The following GDI2 variants were observed in gnomAD, a reference collection of about 807,000 sequenced individuals.
GDI2 encodes the protein GDP dissociation inhibitor 2.
GDI2 carries 22 observed loss-of-function variants against 54.2 expected under a neutral mutation model. The observed-to-expected ratio is 0.41, with a 90% CI of 0.29 to 0.58. The LOEUF (loss-of-function observed/expected upper bound fraction) is 0.58, where lower values mean the gene tolerates loss of function less well. Ranked by LOEUF, GDI2 falls within the 20% of genes least tolerant of loss-of-function variation. The pLI, the probability that GDI2 is intolerant of heterozygous loss-of-function variation, is 0.35. For synonymous variants in GDI2, 177 were observed against 182.1 expected (o/e 0.97, Z 0.23); for missense variants, 422 against 546.0 (o/e 0.77, Z 2.26).
intron 6 of GDI2, among the ~76,000 whole-genome samples, chr10:5,780,261 T>C (rs1429617994): frequency 1.5e-5 from 2 of 134,006 alleles, no homozygotes; most frequent in African/African-American, 2.8e-5. Context: ...AAACTATAAA[T>C]ATAAGTGAAC....
Position 5,766,469 on chromosome 10 carries a change from G to A in GDI2, c.1136+25C>T. The A allele has an allele frequency of 6.2e-7, 1 of 1,611,788 alleles. No individual in the cohort carries two copies. Among genetic ancestry groups the A allele is most frequent in the Non-Finnish European group, 8.5e-7 (1 of 1,179,038 alleles). On this transcript the variant is annotated intron_variant, in intron 9 of 10. Transcript: ENST00000380191. This position sits in a 1 kb window ranked among gnomAD's most constrained non-coding sequence, Gnocchi z 5.8. ...ATCAAAGGCCTCAGTTTGCATCTCG[G>A]CAGATATAAAAGAACACAACTCACT... is the stretch of plus-strand genomic sequence containing the variant.
intron 3 of GDI2, 113 bp from the exon 4 acceptor site, chr10:5,795,132 A>G (rs1275649150): frequency 1.5e-6 from 1 of 683,836 alleles, no homozygotes; most frequent in African/African-American, 1.8e-5. Context: ...AACTCCAACA[A>G]AATAATTTTT....
At chr10:5,813,136 C>A in intron 1 of GDI2, 78 bp downstream of exon 1, 1 of 856,706 alleles carries the variant, frequency 1.2e-6, no homozygotes, top group Non-Finnish European at 1.8e-6. Context: ...CGAGGAGCTG[C>A]GACCCGCGGG....
chr10:5,809,619 ATTAG>A (rs1388342391), intron 1 of GDI2, among the ~76,000 whole-genome samples: 1 of 152,178 alleles, frequency 6.6e-6, no homozygotes, highest in African/African-American at 2.4e-5. Context: ...ACTAATTCTT[ATTAG>A]TTACTCTCCA....
Position 5,776,524 on chromosome 10 carries a change from A to T in GDI2, c.720-2583T>A. 1.3e-6 allele frequency: 2 copies of T among 1,482,320 alleles called. No homozygotes were observed. Among genetic ancestry groups the T allele is most frequent in the South Asian group, 1.1e-5 (1 of 87,788 alleles). 91.8% of individuals were successfully genotyped at this position (1,482,320 alleles called of 1,614,324 possible). On this transcript the variant is annotated intron_variant, in intron 6 of 10. Transcript: ENST00000380191. This position sits in a 1 kb window ranked among gnomAD's most constrained non-coding sequence, Gnocchi z 5.3. ...GGCCCGAAAGATAAAACAATTATAG[A>T]GAAGCAGATTTGAAGAGGCATGTGG...
At chr10:5,787,795 T>C (rs957862180) in intron 4 of GDI2, among the ~76,000 whole-genome samples, 1 of 152,272 alleles carries the variant, frequency 6.6e-6, no homozygotes, top group African/African-American at 2.4e-5. Flanking sequence ...CTTAAAGCTA[T>C]TACTAACAGT....
intron 5 of GDI2, 61 bp downstream of exon 5, chr10:5,785,791 G>A: frequency 1.0e-6 from 1 of 1,004,530 alleles, no homozygotes; most frequent in East Asian, 2.4e-5. Context: ...CCACTTGGAA[G>A]ACTTGGGAAA....
intron 6 of GDI2, among the ~76,000 whole-genome samples, chr10:5,782,154 C>G (rs1840771528): frequency 1.3e-5 from 2 of 152,198 alleles, no homozygotes; most frequent in African/African-American, 4.8e-5. Flanking sequence ...ACAATCCAAT[C>G]TTTAGAAATG....
chr10:5,772,582 C>T (rs1017376372), intron 7 of GDI2, among the ~76,000 whole-genome samples: 7 of 151,986 alleles, frequency 4.6e-5, no homozygotes, highest in African/African-American at 1.7e-4. Context: ...CATGGTGAAA[C>T]CCCATCTCTA....
intron 7 of GDI2, among the ~76,000 whole-genome samples, chr10:5,771,519 C>T (rs1251228761): frequency 6.6e-6 from 1 of 152,084 alleles, no homozygotes; most frequent in Non-Finnish European, 1.5e-5. Context: ...ACAGGGAAGC[C>T]AAAAGGTTGG....
intron 8 of GDI2, among the ~76,000 whole-genome samples, chr10:5,767,287 C>T (rs762611956): frequency 1.3e-5 from 2 of 151,304 alleles, no homozygotes; most frequent in Admixed American, 6.6e-5. Flanking sequence ...AAGTCCAGTC[C>T]CTTTGTTCTA....
chr10:5,793,283 C>A (rs58859669), intron 4 of GDI2, among the ~76,000 whole-genome samples: 25,782 of 152,162 alleles, frequency 0.17, 2,472 homozygotes, highest in Admixed American at 0.23. Flanking sequence ...GCGTGAGCCA[C>A]CACACCACAC....
chr10:5,771,710 C>CA (rs1840493068), intron 7 of GDI2, among the ~76,000 whole-genome samples: 1 of 152,000 alleles, frequency 6.6e-6, no homozygotes, highest in Non-Finnish European at 1.5e-5. Context: ...CCTTCCCTTT[C>CA]ATATCAAAGC....
intron 6 of GDI2, among the ~76,000 whole-genome samples, chr10:5,781,616 C>A (rs556770770): frequency 1.0e-3 from 131 of 130,592 alleles, no homozygotes; most frequent in South Asian, 1.5e-3. Context: ...AACACCCAGA[C>A]TCTGTCTCCA....
intron 6 of GDI2, among the ~76,000 whole-genome samples, chr10:5,783,071 TCA>T (rs1840797381): frequency 6.6e-6 from 1 of 152,298 alleles, no homozygotes; most frequent in South Asian, 2.1e-4. Context: ...GTGACAGAAA[TCA>T]CAGAGGTGGT....
chr10:5,805,333 G>A (rs372100993), intron 1 of GDI2, among the ~76,000 whole-genome samples: 54 of 148,530 alleles, frequency 3.6e-4, no homozygotes, highest in African/African-American at 1.2e-3. Flanking sequence ...GAGTTAGTAG[G>A]TCTGAGGTTG....
intron 3 of GDI2, 58 bp from the exon 4 acceptor site, chr10:5,795,077 T>A (rs1268116750): frequency 2.0e-5 from 20 of 1,023,810 alleles, no homozygotes; most frequent in Middle Eastern, 4.2e-4. Flanking sequence ...AAAGAACATT[T>A]ACTAATACTA....
rs1159116869 is a variant in GDI2 at position 5,776,365 on chromosome 10, T to A, written c.720-2424A>T. The stretch of plus-strand genomic sequence containing the variant: ...GAGGATGCAGAGAGCCAGAGCCCCC[T>A]TTCTCAGAAGCACAGCCCTTTCACA... On this transcript the variant is annotated intron_variant, in intron 6 of 10. Transcript: ENST00000380191. This position sits in a 1 kb window ranked among gnomAD's most constrained non-coding sequence, Gnocchi z 5.3. The A allele has an allele frequency of 8.7e-6, 6 of 689,910 alleles. No individual in the cohort carries two copies. Among genetic ancestry groups the A allele is most frequent in the Admixed American group, 6.5e-5 (3 of 45,998 alleles). 42.7% of individuals were successfully genotyped at this position (689,910 alleles called of 1,614,324 possible). A position where few individuals can be genotyped will look rare whatever the true frequency, so the allele number is the denominator to read the frequency against.
In GDI2 at chr10:5,776,050, C is replaced by A. The variant is rs769217549; in HGVS notation, c.720-2109G>T. On this transcript the variant is annotated intron_variant, in intron 6 of 10. Coordinates refer to ENST00000380191, the MANE Select transcript of GDI2 (RefSeq NM_001494.4). The surrounding 1 kb of genome is among the most constrained non-coding windows in gnomAD (Gnocchi z 5.3). ...CCCTTCCTAAGGCTGCCACTTACCC[C>A]GGAGTCTATGAAAATAATGGATCCC... 8 of 191,402 alleles carry A rather than the reference C, an allele frequency of 4.2e-5. No individual in the cohort carries two copies. Among genetic ancestry groups the A allele is most frequent in the Admixed American group, 1.6e-4 (3 of 18,278 alleles). 11.9% of individuals were successfully genotyped at this position (191,402 alleles called of 1,614,324 possible).
Sources: gnomAD v4.1 joint callset for allele counts (sites outside exome capture counted in the v4.1 genomes callset) on GRCh38, gnomAD v4.1.1 for gene constraint, Gnocchi (gnomAD v3.1) non-coding constraint, MANE v1.5 for transcripts, NCBI Gene and HGNC (gene_info 2026-07-23, HGNC 2026-07-21) for gene names.